Variants in ADGRL3 observed in about 807,000 individuals in gnomAD.
The protein encoded by ADGRL3 is adhesion G protein-coupled receptor L3.
In ADGRL3, 62 loss-of-function variants were observed where a neutral mutation model predicts 153.5. That is an observed-to-expected ratio of 0.40 (90% confidence interval 0.33 to 0.50). The LOEUF (loss-of-function observed/expected upper bound fraction) is 0.50, where lower values mean the gene tolerates loss of function less well. Ranked by LOEUF, ADGRL3 falls within the 20% of genes least tolerant of loss-of-function variation. The probability of loss-of-function intolerance (pLI) is 0.47; values close to 1 mark genes in which losing one functional copy is unlikely to be tolerated. For synonymous variants in ADGRL3, 710 were observed against 672.5 expected, an observed-to-expected ratio of 1.06 and a Z score of -0.86; for missense variants, 1,641 against 1,859.4, an observed-to-expected ratio of 0.88 and a Z score of 2.16.
intron 15 of ADGRL3, among the ~76,000 whole-genome samples, chr4:61,939,271 C>G (rs2098860244): frequency 6.6e-6 from 1 of 152,078 alleles, no homozygotes; most frequent in African/African-American, 2.4e-5. Flanking sequence ...CTAAAATATA[C>G]ATTTAGCTTG....
At chr4:61,752,132 G>A (rs1214893463) in intron 8 of ADGRL3, among the ~76,000 whole-genome samples, 1 of 152,162 alleles carries the variant, frequency 6.6e-6, no homozygotes. Flanking sequence ...ACCTCGGGAA[G>A]AAAAGTATTT....
chr4:61,378,764 T>C (rs1436390401), intron 1 of ADGRL3, among the ~76,000 whole-genome samples: 1 of 152,002 alleles, frequency 6.6e-6, no homozygotes, highest in Non-Finnish European at 1.5e-5. Context: ...TTGTGGATTA[T>C]TGAGCAGAAA....
chr4:61,752,114 C>G (rs750318275), intron 8 of ADGRL3, among the ~76,000 whole-genome samples: 41 of 152,230 alleles, frequency 2.7e-4, no homozygotes, highest in Non-Finnish European at 5.6e-4. Flanking sequence ...AGCAATTTGT[C>G]CATACTTACC....
At chr4:62,031,956 T>TGC (rs1006766696) in intron 23 of ADGRL3, among the ~76,000 whole-genome samples, 1 of 137,758 alleles carries the variant, frequency 7.3e-6, no homozygotes, top group African/African-American at 2.6e-5. Flanking sequence ...GCATGAGTTA[T>TGC]ACACACACAC....
chr4:61,926,880 A>G (rs1372429873), intron 13 of ADGRL3, among the ~76,000 whole-genome samples: 2 of 152,096 alleles, frequency 1.3e-5, no homozygotes, highest in Non-Finnish European at 2.9e-5. Context: ...TCTCTGCTCT[A>G]CCATAAGGAA....
chr4:61,909,013 A>G (rs923362323), intron 11 of ADGRL3, among the ~76,000 whole-genome samples: 1 of 152,220 alleles, frequency 6.6e-6, no homozygotes, highest in Non-Finnish European at 1.5e-5. Flanking sequence ...AAACTAAGCA[A>G]TAGTTTGCTA....
chr4:61,593,239 G>T (rs2098976519), intron 5 of ADGRL3, among the ~76,000 whole-genome samples: 1 of 151,994 alleles, frequency 6.6e-6, no homozygotes, highest in Non-Finnish European at 1.5e-5. Flanking sequence ...TATTATTTTT[G>T]ATTGATTCAT....
chr4:61,770,775 C>G (rs1359878164), intron 8 of ADGRL3, among the ~76,000 whole-genome samples: 2 of 152,180 alleles, frequency 1.3e-5, no homozygotes, highest in Non-Finnish European at 2.9e-5. Context: ...CTTGAATTTG[C>G]TACTTCATAT....
At chr4:61,392,721 AAGAAAGAG>A (rs1436118207) in intron 2 of ADGRL3, among the ~76,000 whole-genome samples, 1 of 149,028 alleles carries the variant, frequency 6.7e-6, no homozygotes, top group Non-Finnish European at 1.5e-5. Flanking sequence ...AAGGAAAATA[AAGAAAGAG>A]AGAAAAGAGT....
intron 8 of ADGRL3, among the ~76,000 whole-genome samples, chr4:61,737,843 G>A (rs2096537215): frequency 6.6e-6 from 1 of 151,944 alleles, no homozygotes; most frequent in South Asian, 2.1e-4. Context: ...TCTAAAAATT[G>A]TATCTACTCT....
At chr4:61,651,354 A>G (rs1241947286) in intron 5 of ADGRL3, among the ~76,000 whole-genome samples, 2 of 152,146 alleles carry the variant, frequency 1.3e-5, no homozygotes, top group Non-Finnish European at 2.9e-5. Context: ...ATCACTAAAT[A>G]TATGTATATT....
chr4:61,882,035 T>A (rs542655611), intron 9 of ADGRL3, among the ~76,000 whole-genome samples: 2 of 152,364 alleles, frequency 1.3e-5, no homozygotes, highest in East Asian at 3.9e-4. Context: ...TTTATGTTTT[T>A]CTCACTGCCA....
chr4:61,998,098 A>T, intron 20 of ADGRL3, 76 bp from the exon 21 acceptor site: 1 of 610,674 alleles, frequency 1.6e-6, no homozygotes, highest in East Asian at 2.9e-5. Flanking sequence ...AGAACAACTC[A>T]TGTGTTATAG....
chr4:61,541,076 A>AG (rs996080057), intron 4 of ADGRL3, among the ~76,000 whole-genome samples: 3 of 152,182 alleles, frequency 2.0e-5, no homozygotes, highest in Non-Finnish European at 4.4e-5. Flanking sequence ...GCAGGGTAGG[A>AG]GGGGCACTCC....
chr4:61,310,696 T>G (rs2094964797), intron 1 of ADGRL3, among the ~76,000 whole-genome samples: 1 of 152,062 alleles, frequency 6.6e-6, no homozygotes, highest in Non-Finnish European at 1.5e-5. Context: ...CAGTTACTAC[T>G]TTCTAAGAAA....
At chr4:61,702,245 T>C (rs1391081580) in intron 6 of ADGRL3, among the ~76,000 whole-genome samples, 1 of 152,174 alleles carries the variant, frequency 6.6e-6, no homozygotes, top group African/African-American at 2.4e-5. Context: ...TTGTCCTTAA[T>C]GATATTGCTC....
chr4:61,453,579 C>G (rs1021948502), intron 2 of ADGRL3, among the ~76,000 whole-genome samples: 3 of 151,978 alleles, frequency 2.0e-5, no homozygotes, highest in African/African-American at 7.3e-5. Flanking sequence ...CTGTAGTCCA[C>G]AGATTAAATA....
At chr4:62,039,986 C>T (rs1046057901) in intron 24 of ADGRL3, among the ~76,000 whole-genome samples, 1 of 152,080 alleles carries the variant, frequency 6.6e-6, no homozygotes. Context: ...TTCTAAACTA[C>T]AAGTTAAGGC....
Position 61,400,412 on chromosome 4 carries a change from G to A in ADGRL3, c.-174+17223G>A, listed in dbSNP as rs115162001. Among the ~76,000 whole-genome samples, 274 of 151,746 alleles carry A rather than the reference G, an allele frequency of 1.8e-3. 2 individuals are homozygous for A. Among genetic ancestry groups the A allele is most frequent in the African/African-American group, 6.4e-3 (265 of 41,476 alleles). The stretch of plus-strand genomic sequence containing the variant: ...TTTACGGTATATAAAAAGAAGAAAA[G>A]CGATGTACTTTTTATTTTCTAGAGG... On this transcript the variant is annotated intron_variant, in intron 2 of 26. Coordinates refer to ENST00000683033, the MANE Select transcript of ADGRL3 (RefSeq NM_001387552.1).
Sources: allele counts gnomAD v4.1 joint callset (sites outside exome capture counted in the v4.1 genomes callset), GRCh38; gene constraint gnomAD v4.1.1; transcripts MANE v1.5; gene names NCBI Gene and HGNC (gene_info 2026-07-23, HGNC 2026-07-21).